MRPL20: variants seen among roughly 807,000 people sequenced by gnomAD.
MRPL20 encodes large ribosomal subunit protein bL20m.
A neutral mutation model predicts 20.0 loss-of-function variants in MRPL20; 21 were observed. That is an observed-to-expected ratio of 1.05 (90% CI 0.74 to 1.51). The LOEUF is 1.51. Among genes scored for constraint, MRPL20 ranks in the 40% most tolerant of loss-of-function variants. The pLI is 0.00. For missense variants in MRPL20, 252 were observed against 185.6 expected (o/e 1.36, Z -2.08); for synonymous variants, 104 against 73.0 (o/e 1.43, Z -2.17).
Position 1,407,158 on chromosome 1 carries a change from C to A in MRPL20, c.60G>T (p.Arg20=). ...LRNRVTDRYF[R]IQEVLKHARH... ...TGGCGTGCTTCAGCACCTCCTGGAT[C>A]CGAAAGTAGCGGTCGGTGACGCGAT... The change falls in exon 1 of 4, where the codon CGG becomes CGT. Residue 20 remains arginine (R), a synonymous_variant. Transcript: ENST00000344843. The A allele has an allele frequency of 6.2e-7, 1 of 1,608,386 alleles. No homozygotes were observed. The highest frequency in any genetic ancestry group is 1.7e-5 in the Admixed American group (1 of 59,302).
intron 2 of MRPL20, 91 bp downstream of exon 2, chr1:1,406,818 G>C: frequency 9.2e-7 from 1 of 1,085,238 alleles, no homozygotes; most frequent in Non-Finnish European, 1.4e-6. Context: ...GGCTGAGGGT[G>C]GCCGGGCGGC....
chr1:1,406,272 A>C, intron 2 of MRPL20: 1 of 196,676 alleles, frequency 5.1e-6, no homozygotes, highest in Non-Finnish European at 1.1e-5. Context: ...AATCGCTTGA[A>C]CCCGGGAGAC....
At chr1:1,404,577 T>A (rs968165868) in intron 3 of MRPL20, among the ~76,000 whole-genome samples, 13 of 151,488 alleles carry the variant, frequency 8.6e-5, no homozygotes, top group African/African-American at 3.2e-4. Context: ...CTCGGCTCAC[T>A]GCAGCCTCTG....
chr1:1,406,900 C>A lies in MRPL20; in HGVS notation c.198+9G>T, dbSNP rs759111009. The A allele has an allele frequency of 8.1e-6, 13 of 1,609,944 alleles. No individual in the cohort carries two copies. The highest frequency in any genetic ancestry group is 1.1e-5 in the Non-Finnish European group (13 of 1,176,506). The stretch of plus-strand genomic sequence containing the variant: ...CGCTGGCCGGCGGGTGTCCCGGGTC[C>A]ACGCTTACGGTCCTCATGTTCTTTT... On this transcript the variant is annotated intron_variant, in intron 2 of 3. Coordinates refer to ENST00000344843, the MANE Select transcript of MRPL20 (RefSeq NM_017971.4).
chr1:1,405,798 C>A lies in MRPL20; in HGVS notation c.276+11G>T, dbSNP rs1446249051. ...CCAGAATTTCAGTGGGACCCACATA[C>A]TCACCCATACCTTAACTAAATTCCC... On this transcript the variant is annotated intron_variant, in intron 3 of 3. Coordinates refer to ENST00000344843, the MANE Select transcript of MRPL20 (RefSeq NM_017971.4). 1.2e-6 allele frequency: 2 copies of A among 1,614,064 alleles called. No homozygotes were observed.
Position 1,407,167 on chromosome 1 carries a change from G to C in MRPL20, c.51C>G (p.Arg17=). 6.2e-7 allele frequency: 1 copy of C among 1,608,190 alleles called. No individual in the cohort carries two copies. Among genetic ancestry groups the C allele is most frequent in the South Asian group, 1.1e-5 (1 of 90,502 alleles). ...QLWLRNRVTD[R]YFRIQEVLKH... is the part of the protein sequence containing the mutation. Reference sequence around the variant, plus strand: ...TCAGCACCTCCTGGATCCGAAAGTAGCGGTCGGTGACGCGATTCCGCAGCC... The same window carrying C: ...TCAGCACCTCCTGGATCCGAAAGTACCGGTCGGTGACGCGATTCCGCAGCC... Residue 17 remains arginine, a synonymous_variant, in exon 1 of 4, where the codon CGC becomes CGG. Coordinates refer to ENST00000344843, the MANE Select transcript of MRPL20 (RefSeq NM_017971.4).
rs537918598 is a variant in MRPL20, at chr1:1,405,298, C to T, written c.276+511G>A. On this transcript the variant is annotated intron_variant, in intron 3 of 3. Transcript: ENST00000344843. ...CCATGGCTTTCTTTATTCTGTCAGA[C>T]GGGGTCCTGCTCTCACCTAGGCTAG... 1.9e-4 allele frequency: 48 copies of T among 249,918 alleles called. No individual in the cohort carries two copies. In the South Asian group the frequency reaches 2.3e-3, roughly 12 times the overall value. 15.5% of individuals were successfully genotyped at this position (249,918 alleles called of 1,614,324 possible).
At chr1:1,404,736 T>C (rs1394780231) in intron 3 of MRPL20, among the ~76,000 whole-genome samples, 1 of 152,084 alleles carries the variant, frequency 6.6e-6, no homozygotes. Context: ...CCTGACCTCA[T>C]GATCTGTCCG....
intron 3 of MRPL20, among the ~76,000 whole-genome samples, chr1:1,403,898 C>A (rs775699424): frequency 3.9e-5 from 6 of 152,144 alleles, no homozygotes; most frequent in Non-Finnish European, 7.3e-5. Flanking sequence ...CTGGAGTACA[C>A]TGGTGTGATC....
intron 2 of MRPL20, 26 bp downstream of exon 2, chr1:1,406,882 CG>C: frequency 1.3e-6 from 2 of 1,591,866 alleles, no homozygotes; most frequent in Non-Finnish European, 1.7e-6. Flanking sequence ...GTGCGCTGGC[CG>C]GCGGGTGTCC....
Position 1,402,287 on chromosome 1 carries a change from C to T in MRPL20, c.277-31G>A, listed in dbSNP as rs148498557. The T allele has an allele frequency of 1.6e-4, 260 of 1,585,980 alleles. 2 individuals are homozygous for T. The East Asian group carries it at 5.8e-3, about 35-fold the overall frequency. ...AAAAGAATGAATCAGAACCTGCTGT[C>T]AGTGTGAGACACACACTCCGGCTCC... On this transcript the variant is annotated intron_variant, in intron 3 of 3. Coordinates refer to ENST00000344843, the MANE Select transcript of MRPL20 (RefSeq NM_017971.4).
chr1:1,405,427 TACC>T, intron 3 of MRPL20: 1 of 588,266 alleles, frequency 1.7e-6, no homozygotes, highest in Admixed American at 3.0e-5. Flanking sequence ...CATGTCTCTG[TACC>T]ACCACACCCA....
intron 3 of MRPL20, among the ~76,000 whole-genome samples, chr1:1,403,084 G>A (rs543229441): frequency 2.0e-5 from 3 of 147,060 alleles, no homozygotes; most frequent in Non-Finnish European, 2.9e-5. Context: ...AGCCAAGATC[G>A]CGCCACTTCA....
At chr1:1,404,129 G>C (rs1042686574) in intron 3 of MRPL20, among the ~76,000 whole-genome samples, 1 of 151,742 alleles carries the variant, frequency 6.6e-6, no homozygotes, top group African/African-American at 2.4e-5. Context: ...ACAAGTGTAA[G>C]CCACCGCACC....
At chr1:1,406,070 A>C in intron 2 of MRPL20, 184 bp from the exon 3 acceptor site, 3 of 840,030 alleles carry the variant, frequency 3.6e-6, no homozygotes, top group Non-Finnish European at 5.3e-6. Flanking sequence ...AACAGCAAAA[A>C]CCCAGCTGGG....
chr1:1,407,197 C>A lies in MRPL20; in HGVS notation c.21G>T (p.Gln7His). The A allele has an allele frequency of 2.5e-6, 4 of 1,605,372 alleles. No homozygotes were observed. The highest frequency in any genetic ancestry group is 3.4e-6 in the Non-Finnish European group (4 of 1,176,396). MVFLTAQLWLRNRVTDR... is the reference protein window; with the variant it reads MVFLTAHLWLRNRVTDR... Reference sequence around the variant, plus strand: ...CGGTGACGCGATTCCGCAGCCAGAGCTGCGCGGTGAGGAAGACCATGGCGC... The same window carrying A: ...CGGTGACGCGATTCCGCAGCCAGAGATGCGCGGTGAGGAAGACCATGGCGC... The change falls in exon 1 of 4, where the codon CAG (glutamine) becomes CAT (histidine). Residue 7 changes from glutamine to histidine, a missense_variant. Coordinates refer to ENST00000344843, the MANE Select transcript of MRPL20 (RefSeq NM_017971.4).
intron 3 of MRPL20, among the ~76,000 whole-genome samples, chr1:1,404,138 C>T (rs1260097477): frequency 1.3e-5 from 2 of 152,050 alleles, no homozygotes; most frequent in African/African-American, 4.8e-5. Context: ...AGCCACCGCA[C>T]CCAGCCTCAT....
Position 1,406,938 on chromosome 1 carries a change from G to A in MRPL20, c.169C>T (p.Arg57Ter), listed in dbSNP as rs1237230428. 3 of 1,613,692 alleles carry A rather than the reference G, an allele frequency of 1.9e-6. No homozygotes were observed. The highest frequency in any genetic ancestry group is 2.5e-6 in the Non-Finnish European group (3 of 1,179,694). ...CTCATGTTCTTTTTCTTCAGGTATC[G>A]GGCTTTGGTGCATTTCACAAAGGCT... is the stretch of plus-strand genomic sequence containing the variant. The part of the protein sequence containing the change: ...IRAFVKCTKA[R>*]YLKKKNMRTL... The change falls in exon 2 of 4, where the codon CGA becomes TGA. Residue 57 changes from arginine to a stop codon, truncating the protein, a stop_gained. Transcript: ENST00000344843. LOFTEE classifies it high-confidence loss of function.
intron 3 of MRPL20, chr1:1,402,470 T>C (rs1309538118): frequency 2.6e-5 from 34 of 1,316,166 alleles, no homozygotes; most frequent in Admixed American, 1.8e-4. Context: ...ACCTGTGGAA[T>C]CTGCAGGGAG....
Sources: gnomAD v4.1 joint callset for allele counts (sites outside exome capture counted in the v4.1 genomes callset) on GRCh38, gnomAD v4.1.1 for gene constraint, MANE v1.5 for transcripts, NCBI Gene and HGNC (gene_info 2026-07-23, HGNC 2026-07-21) for gene names.